RFFL: variants seen among roughly 807,000 people sequenced by gnomAD.
RFFL encodes the protein ring finger and FYVE like domain containing E3 ubiquitin protein ligase, also known as E3 ubiquitin-protein ligase rififylin.
In RFFL, 16 loss-of-function variants were observed where a neutral mutation model predicts 40.4. That is an observed-to-expected ratio of 0.40 (90% CI 0.27 to 0.60). The LOEUF (loss-of-function observed/expected upper bound fraction) is 0.60. RFFL is among the 20% of genes least tolerant of loss of function. RFFL has a pLI of 0.47. For missense variants in RFFL, 367 were observed against 451.7 expected (o/e 0.81, Z 1.70); for synonymous variants, 154 against 167.9 (o/e 0.92, Z 0.64).
At chr17:35,064,001 G>C (rs991096979), upstream of RFFL, 2 of 152,248 alleles carry the variant, frequency 1.3e-5, no homozygotes, top group Admixed American at 6.5e-5. Flanking sequence ...AATTTCATCT[G>C]AGAACAGGCT....
intron 1 of RFFL, chr17:35,069,188 C>T (rs1340775791): frequency 4.4e-6 from 2 of 454,304 alleles, no homozygotes; most frequent in Admixed American, 2.4e-5. Context: ...CTAATACACA[C>T]ACTCACATGC....
intron 3 of RFFL, among the ~76,000 whole-genome samples, chr17:35,020,393 T>C (rs1391101776): frequency 6.6e-6 from 1 of 150,808 alleles, no homozygotes; most frequent in Non-Finnish European, 1.5e-5. Flanking sequence ...GCGGTGGCAT[T>C]AGATTCTCAT....
chr17:35,046,224 A>T (rs1182453264), intron 1 of RFFL, among the ~76,000 whole-genome samples: 1 of 152,236 alleles, frequency 6.6e-6, no homozygotes, highest in Non-Finnish European at 1.5e-5. Context: ...CAAAACCAGA[A>T]AAGGAGAGCC....
At chr17:35,059,189 T>C (rs2091278457) in intron 1 of RFFL, among the ~76,000 whole-genome samples, 1 of 151,860 alleles carries the variant, frequency 6.6e-6, no homozygotes, top group African/African-American at 2.4e-5. Flanking sequence ...CAGCTAATTT[T>C]TGTATTTTTA....
intron 1 of RFFL, 85 bp from the exon 2 acceptor site, chr17:35,026,646 G>C: frequency 5.5e-6 from 6 of 1,092,588 alleles, no homozygotes; most frequent in Non-Finnish European, 8.0e-6. Flanking sequence ...CAGGTGAGCA[G>C]TGACACTCAA....
intron 1 of RFFL, among the ~76,000 whole-genome samples, chr17:35,061,019 G>A (rs758462065): frequency 6.6e-6 from 1 of 152,176 alleles, no homozygotes; most frequent in Non-Finnish European, 1.5e-5. Context: ...AAAAGACATG[G>A]TATATCCATG....
At chr17:35,029,639 G>A (rs2091068811) in intron 1 of RFFL, among the ~76,000 whole-genome samples, 1 of 150,660 alleles carries the variant, frequency 6.6e-6, no homozygotes. Context: ...TCCTGCCTCA[G>A]CCTCCCAAGT....
At position 35,010,707 on chromosome 17, in the gene RFFL, G is replaced by A. The variant is rs894920712; in HGVS notation, c.*1261C>T. The stretch of plus-strand genomic sequence containing the variant: ...GTGGAGGTTGCAGTAAGCCAAGACT[G>A]TACCACTGCACTCCAGCCTGGGCAA... On this transcript the variant is annotated 3_prime_UTR_variant, in exon 7 of 7. Transcript: ENST00000394597. 4.1e-5 allele frequency: 6 copies of A among 146,838 alleles called. No individual in the cohort carries two copies. The highest frequency in any genetic ancestry group is 8.9e-5 in the Non-Finnish European group (6 of 67,648). The allele number at this position is 146,838 out of a possible 1,614,324, so 9.1% of individuals were successfully genotyped here.
At chr17:35,086,499 A>G (rs1468896877) in intron 1 of RFFL, among the ~76,000 whole-genome samples, 1 of 144,926 alleles carries the variant, frequency 6.9e-6, no homozygotes, top group African/African-American at 2.6e-5. Context: ...AAAAAAAAAG[A>G]CTATCTTTAC....
intron 1 of RFFL, among the ~76,000 whole-genome samples, chr17:35,072,202 G>A (rs189560191): frequency 2.8e-4 from 43 of 151,312 alleles, no homozygotes; most frequent in Non-Finnish European, 5.0e-4. Flanking sequence ...GATGGCTTGA[G>A]CTAGAGAGGC....
At chr17:35,030,560 A>C (rs556986245) in intron 1 of RFFL, among the ~76,000 whole-genome samples, 1 of 152,088 alleles carries the variant, frequency 6.6e-6, no homozygotes, top group South Asian at 2.1e-4. Context: ...TCAGCCTCCC[A>C]AAGTGCTGGG....
chr17:35,053,657 G>A (rs1422931023), intron 1 of RFFL, among the ~76,000 whole-genome samples: 3 of 152,090 alleles, frequency 2.0e-5, no homozygotes, highest in Admixed American at 6.6e-5. Flanking sequence ...AGGATCACTG[G>A]GACAATGAAA....
intron 1 of RFFL, among the ~76,000 whole-genome samples, chr17:35,034,501 A>G (rs887174376): frequency 2.6e-5 from 4 of 151,956 alleles, no homozygotes; most frequent in African/African-American, 2.4e-5. Context: ...AAAACTGGAA[A>G]GTTGTATATT....
At chr17:35,073,038 C>G (rs1354103936) in intron 1 of RFFL, among the ~76,000 whole-genome samples, 2 of 100,436 alleles carry the variant, frequency 2.0e-5, no homozygotes, top group Non-Finnish European at 1.9e-5. Context: ...AGTGAAACTC[C>G]GTCTCAAAAA....
At chr17:35,043,578 T>C (rs2091179759) in intron 1 of RFFL, among the ~76,000 whole-genome samples, 1 of 152,198 alleles carries the variant, frequency 6.6e-6, no homozygotes. Context: ...TATACTTTAA[T>C]GTAAAGGATC....
intron 1 of RFFL, among the ~76,000 whole-genome samples, chr17:35,085,108 T>C (rs1373605557): frequency 6.6e-6 from 1 of 152,146 alleles, no homozygotes; most frequent in East Asian, 1.9e-4. Context: ...TTAAAGAATA[T>C]CTCGGTCAGT....
chr17:35,039,294 A>G (rs1006441685), intron 1 of RFFL, among the ~76,000 whole-genome samples: 7 of 152,122 alleles, frequency 4.6e-5, no homozygotes, highest in South Asian at 2.1e-4. Flanking sequence ...ACCTCGGCTC[A>G]CTGCAACCTC....
At chr17:35,068,205 G>A (rs2091330358), upstream of RFFL, among the ~76,000 whole-genome samples, 1 of 152,184 alleles carries the variant, frequency 6.6e-6, no homozygotes, top group Non-Finnish European at 1.5e-5. Context: ...ACTTCCTGAT[G>A]AGCCAATTTT....
At position 35,063,643 on chromosome 17, in the gene RFFL, G is replaced by T. The variant is rs1021225937; in HGVS notation, c.-76C>A. ...GCTGTCTCTAGTTCCTGTGGCTGAGGTCGCTGGAGCCATGTTCAGATGAGA... is the reference window on the plus strand; with the variant it reads ...GCTGTCTCTAGTTCCTGTGGCTGAGTTCGCTGGAGCCATGTTCAGATGAGA... On this transcript the variant is annotated 5_prime_UTR_variant, in exon 1 of 7. Coordinates refer to ENST00000394597, the MANE Select transcript of RFFL (RefSeq NM_001017368.2). 1 of 152,226 alleles carries T rather than the reference G, an allele frequency of 6.6e-6. No individual in the cohort carries two copies. The highest frequency in any genetic ancestry group is 1.5e-5 in the Non-Finnish European group (1 of 68,062). 9.4% of individuals were successfully genotyped at this position (152,226 alleles called of 1,614,324 possible).
Sources: allele counts gnomAD v4.1 joint callset (sites outside exome capture counted in the v4.1 genomes callset), GRCh38; gene constraint gnomAD v4.1.1; transcripts MANE v1.5; gene names NCBI Gene and HGNC (gene_info 2026-07-23, HGNC 2026-07-21).